PRIMPOL: variants seen among roughly 807,000 people sequenced by gnomAD.
The protein encoded by PRIMPOL is DNA-directed primase/polymerase protein.
A neutral mutation model predicts 63.6 loss-of-function variants in PRIMPOL; 54 were observed. That is an observed-to-expected ratio of 0.85 (90% CI 0.68 to 1.07). The LOEUF is 1.07. Ranked by LOEUF, PRIMPOL falls within the 50% of genes least tolerant of loss-of-function variation. PRIMPOL has a pLI of 0.00. For synonymous variants in PRIMPOL, 197 were observed against 220.2 expected (o/e 0.89, Z 0.93); for missense variants, 610 against 648.3 (o/e 0.94, Z 0.64).
intron 5 of PRIMPOL, among the ~76,000 whole-genome samples, chr4:184,662,834 T>G (rs1170207633): frequency 6.6e-6 from 1 of 151,882 alleles, no homozygotes; most frequent in Non-Finnish European, 1.5e-5. Context: ...TGAATGCTAT[T>G]TAAAAAATAT....
intron 11 of PRIMPOL, among the ~76,000 whole-genome samples, chr4:184,688,202 G>A (rs377687185): frequency 7.9e-5 from 12 of 152,248 alleles, no homozygotes; most frequent in East Asian, 1.9e-4. Flanking sequence ...TTGCTGTGTC[G>A]TGGAATATGC....
intron 4 of PRIMPOL, among the ~76,000 whole-genome samples, chr4:184,661,007 A>C (rs1748174524): frequency 6.6e-6 from 1 of 152,242 alleles, no homozygotes; most frequent in South Asian, 2.1e-4. Flanking sequence ...CAGGTGATTC[A>C]GAATTTTTTA....
At chr4:184,676,044 T>C (rs1168499361) in intron 7 of PRIMPOL, among the ~76,000 whole-genome samples, 1 of 152,150 alleles carries the variant, frequency 6.6e-6, no homozygotes, top group Admixed American at 6.6e-5. Flanking sequence ...ACGTGGCCTA[T>C]CCCAAAGTCA....
At chr4:184,678,198 T>G in intron 7 of PRIMPOL, 34 bp from the exon 8 acceptor site, 2 of 1,398,460 alleles carry the variant, frequency 1.4e-6, no homozygotes, top group Non-Finnish European at 1.9e-6. Context: ...ACAGAAAACA[T>G]GCTTTCATAT....
intron 4 of PRIMPOL, among the ~76,000 whole-genome samples, chr4:184,660,195 A>C (rs886952771): frequency 1.3e-5 from 2 of 151,064 alleles, no homozygotes; most frequent in African/African-American, 4.9e-5. Context: ...TAATTTAAAA[A>C]ATTTTTTTTG....
intron 6 of PRIMPOL, among the ~76,000 whole-genome samples, chr4:184,667,518 G>T (rs1405265151): frequency 1.3e-5 from 2 of 152,164 alleles, no homozygotes; most frequent in Non-Finnish European, 2.9e-5. Flanking sequence ...CACCAGGTTA[G>T]CCAGGATGGT....
chr4:184,680,608 G>A (rs1029589419), intron 8 of PRIMPOL, among the ~76,000 whole-genome samples: 1 of 152,118 alleles, frequency 6.6e-6, no homozygotes, highest in African/African-American at 2.4e-5. Context: ...GTGGAAGATG[G>A]ATTGTTTTTC....
intron 7 of PRIMPOL, 52 bp downstream of exon 7, chr4:184,672,512 G>A: frequency 6.5e-7 from 1 of 1,528,898 alleles, no homozygotes; most frequent in Non-Finnish European, 8.8e-7. Flanking sequence ...GCTTTCGTGA[G>A]AGACGGGTTG....
At chr4:184,685,735 T>C (rs746884253) in intron 11 of PRIMPOL, 51 bp downstream of exon 11, 2 of 758,908 alleles carry the variant, frequency 2.6e-6, no homozygotes, top group Admixed American at 6.3e-5. Flanking sequence ...ATATTTTAAA[T>C]ATTTATAACT....
At chr4:184,685,823 A>T (rs988606875) in intron 11 of PRIMPOL, 139 bp downstream of exon 11, 2 of 470,782 alleles carry the variant, frequency 4.2e-6, no homozygotes, top group Non-Finnish European at 7.1e-6. Context: ...TTTTTCCAAG[A>T]CGAAATCTTG....
chr4:184,665,893 T>C (rs767421577), intron 5 of PRIMPOL, 24 bp from the exon 6 acceptor site: 5 of 1,473,494 alleles, frequency 3.4e-6, no homozygotes, highest in Non-Finnish European at 4.6e-6. Flanking sequence ...ATATAAATTA[T>C]TTGCATTTTA....
intron 11 of PRIMPOL, among the ~76,000 whole-genome samples, chr4:184,689,510 T>G (rs1757913989): frequency 1.4e-5 from 2 of 143,076 alleles, no homozygotes; most frequent in African/African-American, 5.3e-5. Context: ...TGAAGTGCAG[T>G]GGTGCAATCT....
chr4:184,658,244 C>G (rs1747154587), intron 3 of PRIMPOL, among the ~76,000 whole-genome samples: 1 of 151,940 alleles, frequency 6.6e-6, no homozygotes, highest in African/African-American at 2.4e-5. Flanking sequence ...TAGGCTTACT[C>G]AAATCTCATG....
intron 9 of PRIMPOL, among the ~76,000 whole-genome samples, chr4:184,683,002 T>C (rs1756051427): frequency 6.6e-6 from 1 of 152,188 alleles, no homozygotes; most frequent in Non-Finnish European, 1.5e-5. Context: ...GTGAGTCTTG[T>C]TGGTGCCATT....
rs70962517 is a variant in PRIMPOL at position 184,689,446 on chromosome 4, CTTTTTTTTT to C, written c.1296-2037_1296-2029del. Reference sequence around the variant, plus strand: ...TTGTTCTCCATTGATGTTAATGGTGCTTTTTTTTTTTTTTTTTTTTTTTTGAGATGGAGT... The same window carrying C: ...TTGTTCTCCATTGATGTTAATGGTGCTTTTTTTTTTTTTTTGAGATGGAGT... On this transcript the variant is annotated intron_variant, in intron 11 of 13. Transcript: ENST00000314970. 4.1e-3 allele frequency among the ~76,000 whole-genome samples: 206 copies of C among 50,276 alleles called. 1 individual carries two copies. The highest frequency in any genetic ancestry group is 5.8e-3 in the Non-Finnish European group (171 of 29,260). 33.0% of individuals were successfully genotyped at this position (50,276 alleles called of 152,430 possible).
intron 5 of PRIMPOL, among the ~76,000 whole-genome samples, chr4:184,664,480 T>C (rs1461475258): frequency 6.6e-6 from 1 of 152,222 alleles, no homozygotes; most frequent in East Asian, 1.9e-4. Context: ...TGTGGCTCCG[T>C]ACTGTTAGGG....
At chr4:184,691,838 T>C (rs1400898734) in intron 13 of PRIMPOL, 126 bp downstream of exon 13, 19 of 682,942 alleles carry the variant, frequency 2.8e-5, no homozygotes, top group Non-Finnish European at 7.6e-6. Flanking sequence ...CTTATGACTG[T>C]ATTATAGGAA....
chr4:184,685,563 A>G lies in PRIMPOL; in HGVS notation c.1187-13A>G. On this transcript the variant is annotated splice_polypyrimidine_tract_variant and intron_variant, in intron 10 of 13. Transcript: ENST00000314970. ...GAGTGATAGTAGCTTTAGAAACATT[A>G]TTTGCATTTTAGGAATTCGGCGTTG... 6.2e-7 allele frequency: 1 copy of G among 1,603,380 alleles called. No individual in the cohort carries two copies. The highest frequency in any genetic ancestry group is 8.5e-7 in the Non-Finnish European group (1 of 1,170,692).
chr4:184,693,191 T>A (rs1311223845), intron 13 of PRIMPOL, among the ~76,000 whole-genome samples: 1 of 152,170 alleles, frequency 6.6e-6, no homozygotes, highest in South Asian at 2.1e-4. Flanking sequence ...GAACTGGACA[T>A]AAAATAACTG....
Sources: allele counts gnomAD v4.1 joint callset (sites outside exome capture counted in the v4.1 genomes callset), GRCh38; gene constraint gnomAD v4.1.1; transcripts MANE v1.5; gene names NCBI Gene and HGNC (gene_info 2026-07-23, HGNC 2026-07-21).